The following CNTN3 variants were observed in gnomAD, a reference collection of about 807,000 sequenced individuals.
The protein encoded by CNTN3 is contactin 3, also known as contactin-3.
A neutral mutation model predicts 119.1 loss-of-function variants in CNTN3; 60 were observed. The observed-to-expected ratio is 0.50, with a 90% CI of 0.41 to 0.62. The LOEUF (loss-of-function observed/expected upper bound fraction) is 0.62, where lower values mean the gene tolerates loss of function less well. CNTN3 is among the 20% of genes least tolerant of loss of function. The pLI, the probability that CNTN3 is intolerant of heterozygous loss-of-function variation, is 0.00. For missense variants in CNTN3, 1,101 were observed against 1,242.4 expected (o/e 0.89, Z 1.71); for synonymous variants, 450 against 438.7 (o/e 1.03, Z -0.32).
At chr3:74,355,861 ATAC>A (rs1191151395) in intron 11 of CNTN3, among the ~76,000 whole-genome samples, 1 of 151,998 alleles carries the variant, frequency 6.6e-6, no homozygotes, top group Non-Finnish European at 1.5e-5. Flanking sequence ...TTAATTCGGT[ATAC>A]ACTGTCATTG....
intron 1 of CNTN3, among the ~76,000 whole-genome samples, chr3:74,561,163 C>T (rs1235536478): frequency 2.0e-5 from 3 of 150,368 alleles, no homozygotes; most frequent in African/African-American, 7.4e-5. Flanking sequence ...TACCCTAGAA[C>T]TTAAAGCATA....
Position 74,264,352 on chromosome 3 carries a change from T to A in CNTN3, c.*49A>T. On this transcript the variant is annotated 3_prime_UTR_variant, in exon 23 of 23. Coordinates refer to ENST00000263665, the MANE Select transcript of CNTN3 (RefSeq NM_020872.3). The stretch of plus-strand genomic sequence containing the variant: ...ATCACTGCATTTCATGAAAGCACTT[T>A]TTTTGGTAACCAAATAACTTTCCAA... The A allele has an allele frequency of 8.9e-7, 1 of 1,121,656 alleles. No homozygotes were observed. Among genetic ancestry groups the A allele is most frequent in the Non-Finnish European group, 1.2e-6 (1 of 820,754 alleles). The allele number at this position is 1,121,656 out of a possible 1,614,324, so 69.5% of individuals were successfully genotyped here. A position where few individuals can be genotyped will look rare whatever the true frequency, so the allele number is the denominator to read the frequency against.
chr3:74,366,229 G>A (rs1180560117), intron 8 of CNTN3, among the ~76,000 whole-genome samples: 1 of 152,076 alleles, frequency 6.6e-6, no homozygotes, highest in Non-Finnish European at 1.5e-5. Context: ...AGCATCTTAA[G>A]AACCTCTGAG....
At chr3:74,319,466 T>C (rs1702926489) in intron 13 of CNTN3, among the ~76,000 whole-genome samples, 1 of 152,134 alleles carries the variant, frequency 6.6e-6, no homozygotes, top group Non-Finnish European at 1.5e-5. Flanking sequence ...TAGCAATATG[T>C]AGAAAGCTGA....
At position 74,499,527 on chromosome 3, in the gene CNTN3, A is replaced by T. The variant is rs1364293519; in HGVS notation, c.182+132T>A. On this transcript the variant is annotated intron_variant, in intron 3 of 22. Transcript: ENST00000263665. Reference sequence around the variant, plus strand: ...TTCATATATTAAATCTGTTGAATATATCATACAACTATAGCTTCACGTATT... The same window carrying T: ...TTCATATATTAAATCTGTTGAATATTTCATACAACTATAGCTTCACGTATT... 4 of 732,598 alleles carry T rather than the reference A, an allele frequency of 5.5e-6. No homozygotes were observed. In the Admixed American group the frequency reaches 9.5e-5, roughly 17 times the overall value. 45.4% of individuals were successfully genotyped at this position (732,598 alleles called of 1,614,324 possible). A position where few individuals can be genotyped will look rare whatever the true frequency, so the allele number is the denominator to read the frequency against.
intron 3 of CNTN3, among the ~76,000 whole-genome samples, chr3:74,487,785 A>G (rs368463639): frequency 1.7e-3 from 257 of 152,236 alleles, no homozygotes; most frequent in Non-Finnish European, 2.9e-3. Flanking sequence ...ATAAAGTTAA[A>G]TGGAATATTA....
At chr3:74,396,543 G>A (rs112809797) in intron 5 of CNTN3, among the ~76,000 whole-genome samples, 2 of 151,660 alleles carry the variant, frequency 1.3e-5, no homozygotes, top group South Asian at 2.1e-4. Flanking sequence ...TCAGGAGATC[G>A]AGACCACCCT....
chr3:74,452,476 C>T (rs1184474255), intron 4 of CNTN3, among the ~76,000 whole-genome samples: 26 of 148,984 alleles, frequency 1.7e-4, no homozygotes, highest in African/African-American at 6.5e-4. Flanking sequence ...GACAATTTGA[C>T]TTCCTCTTTT....
chr3:74,289,207 A>T (rs941733576), intron 19 of CNTN3, among the ~76,000 whole-genome samples: 1 of 152,208 alleles, frequency 6.6e-6, no homozygotes, highest in African/African-American at 2.4e-5. Context: ...GTGTAATTAC[A>T]TAAATTATTT....
intron 3 of CNTN3, among the ~76,000 whole-genome samples, chr3:74,490,792 G>A (rs1702948788): frequency 6.6e-6 from 1 of 152,128 alleles, no homozygotes; most frequent in South Asian, 2.1e-4. Context: ...ATATGTTCCT[G>A]CATTTTTAAA....
chr3:74,429,486 C>G (rs1046314237), intron 4 of CNTN3, among the ~76,000 whole-genome samples: 30 of 151,452 alleles, frequency 2.0e-4, no homozygotes, highest in African/African-American at 7.0e-4. Context: ...AAAATCAACT[C>G]AAACTAGACC....
intron 1 of CNTN3, among the ~76,000 whole-genome samples, chr3:74,537,332 G>C (rs1269612902): frequency 6.6e-6 from 1 of 152,106 alleles, no homozygotes; most frequent in Non-Finnish European, 1.5e-5. Flanking sequence ...CGCCACGCTT[G>C]GCTCCATATC....
intron 1 of CNTN3, among the ~76,000 whole-genome samples, chr3:74,550,894 A>G (rs1575823545): frequency 1.3e-5 from 2 of 152,148 alleles, no homozygotes; most frequent in Non-Finnish European, 1.5e-5. Context: ...AAATGCATGA[A>G]TAGAGTAGCA....
At chr3:74,420,514 G>A (rs571981843) in intron 5 of CNTN3, among the ~76,000 whole-genome samples, 2 of 152,276 alleles carry the variant, frequency 1.3e-5, no homozygotes, top group South Asian at 4.1e-4. Context: ...ATTTTACTAT[G>A]AGTCAAAACA....
rs12630633 is a variant in CNTN3, at chr3:74,612,889, C to T, written c.-81+1502G>A. ...TTCACAAGGACCTCTCCCATTGCAACCAGTGACATGCACGTATTAGGCATC... is the reference window on the plus strand; with the variant it reads ...TTCACAAGGACCTCTCCCATTGCAATCAGTGACATGCACGTATTAGGCATC... On this transcript the variant is annotated intron_variant, in intron 1 of 22. Coordinates refer to ENST00000263665, the MANE Select transcript of CNTN3 (RefSeq NM_020872.3). 0.013 allele frequency among the ~76,000 whole-genome samples: 2,054 copies of T among 152,294 alleles called. 122 individuals are homozygous for T. In the East Asian group the frequency reaches 0.2, roughly 15 times the overall value.
chr3:74,601,781 A>T (rs1704914896), intron 1 of CNTN3, among the ~76,000 whole-genome samples: 1 of 152,130 alleles, frequency 6.6e-6, no homozygotes, highest in Non-Finnish European at 1.5e-5. Flanking sequence ...AGTATGAGGC[A>T]GAAGTGGTAA....
At chr3:74,324,382 T>G (rs535833393) in intron 13 of CNTN3, among the ~76,000 whole-genome samples, 5 of 152,190 alleles carry the variant, frequency 3.3e-5, no homozygotes, top group Non-Finnish European at 5.9e-5. Context: ...CAGGTAATTT[T>G]TAATTTTTGG....
chr3:74,350,196 A>C (rs1489128920), intron 11 of CNTN3, among the ~76,000 whole-genome samples: 1 of 152,212 alleles, frequency 6.6e-6, no homozygotes, highest in East Asian at 1.9e-4. Context: ...TGTTCTAAAA[A>C]AGAAAGGTCT....
At chr3:74,408,837 TC>T (rs1701388819) in intron 5 of CNTN3, among the ~76,000 whole-genome samples, 1 of 152,180 alleles carries the variant, frequency 6.6e-6, no homozygotes, top group Non-Finnish European at 1.5e-5. Context: ...CGAAGTCACA[TC>T]ATTGTTTCAT....
Sources: gnomAD v4.1 joint callset for allele counts (sites outside exome capture counted in the v4.1 genomes callset) on GRCh38, gnomAD v4.1.1 for gene constraint, MANE v1.5 for transcripts, NCBI Gene and HGNC (gene_info 2026-07-23, HGNC 2026-07-21) for gene names.